Variants in DARS1 observed in about 807,000 individuals in gnomAD.
DARS1 encodes the protein aspartate--tRNA ligase, cytoplasmic.
DARS1 carries 51 observed loss-of-function variants against 68.8 expected under a neutral mutation model. The observed-to-expected ratio is 0.74, with a 90% CI of 0.59 to 0.94. The LOEUF (loss-of-function observed/expected upper bound fraction) is 0.94. Ranked by LOEUF, DARS1 falls within the 40% of genes least tolerant of loss-of-function variation. The pLI, the probability that DARS1 is intolerant of heterozygous loss-of-function variation, is 0.00. For synonymous variants in DARS1, 203 were observed against 190.4 expected (o/e 1.07, Z -0.55); for missense variants, 607 against 597.3 (o/e 1.02, Z -0.17).
chr2:135,959,727 T>C (rs925157277), intron 4 of DARS1, among the ~76,000 whole-genome samples: 3 of 152,196 alleles, frequency 2.0e-5, no homozygotes, highest in African/African-American at 2.4e-5. Context: ...CACTTGTCAG[T>C]AGAATGCCTC....
At chr2:135,909,846 TG>T (rs1680860378) in intron 15 of DARS1, among the ~76,000 whole-genome samples, 1 of 152,128 alleles carries the variant, frequency 6.6e-6, no homozygotes, top group Admixed American at 6.6e-5. Context: ...CTCCAAAATC[TG>T]AGACTTTTTG....
rs369329530 is a variant in DARS1, at chr2:135,945,185, T to G, written c.321-1705A>C. On this transcript the variant is annotated intron_variant, in intron 4 of 15. Transcript: ENST00000264161. ...CTCTGTCACCTAGGCTGGAGTGCAG[T>G]GGCTCCATCTTGACTCATTGCAACC... is the stretch of plus-strand genomic sequence containing the variant. Among the ~76,000 whole-genome samples the G allele has an allele frequency of 8.1e-4, 124 of 152,178 alleles. 8 individuals carry two copies. The Middle Eastern group carries it at 0.11, about 134-fold the overall frequency.
At chr2:135,927,585 C>T (rs1681246454) in intron 7 of DARS1, among the ~76,000 whole-genome samples, 1 of 152,022 alleles carries the variant, frequency 6.6e-6, no homozygotes, top group African/African-American at 2.4e-5. Context: ...AAAAATAATA[C>T]TTCCTCCTCA....
In DARS1 at chr2:135,907,228, A is replaced by G. The variant is rs1484603974; in HGVS notation, c.*88T>C. On this transcript the variant is annotated 3_prime_UTR_variant, in exon 16 of 16. Transcript: ENST00000264161. ...GTGCACTAGCAGGTTACTGAAAAGA[A>G]TAAGTGTGGCTTTCTTTTTTTTTTT... The G allele has an allele frequency of 3.0e-5, 24 of 810,416 alleles. No homozygotes were observed. Among genetic ancestry groups the G allele is most frequent in the African/African-American group, 2.2e-4 (11 of 49,898 alleles). 50.2% of individuals were successfully genotyped at this position (810,416 alleles called of 1,614,324 possible).
chr2:135,906,313 T>C lies in DARS1; in HGVS notation c.*1003A>G, dbSNP rs189105221. ...TGTAAAATTAACATTAGCATCAACA[T>C]TTGTAATAATCTAGAGGGAAAGTGT... On this transcript the variant is annotated 3_prime_UTR_variant, in exon 16 of 16. Transcript: ENST00000264161. Among the ~76,000 whole-genome samples, 630 of 147,494 alleles carry C rather than the reference T, an allele frequency of 4.3e-3. 1 individual carries two copies. The highest frequency in any genetic ancestry group is 0.02 in the Middle Eastern group (5 of 254).
intron 3 of DARS1, among the ~76,000 whole-genome samples, chr2:135,965,860 A>G (rs1331515771): frequency 2.6e-5 from 4 of 152,180 alleles, no homozygotes; most frequent in Non-Finnish European, 5.9e-5. Context: ...TAAAGGACTC[A>G]AACAAACAAA....
At chr2:135,911,239 T>C in intron 14 of DARS1, 29 bp from the exon 15 acceptor site, 3 of 1,153,428 alleles carry the variant, frequency 2.6e-6, no homozygotes, top group Non-Finnish European at 3.9e-6. Flanking sequence ...CAAAATATAA[T>C]TTATCATCTT....
In DARS1 at chr2:135,961,475, G is replaced by A. The variant is rs768053628; in HGVS notation, c.241C>T (p.Arg81Cys). Residue 81 changes from arginine (R) to cysteine (C), a missense_variant, in exon 4 of 16, where the codon CGT becomes TGT. Transcript: ENST00000264161. ...AKGKQCFLVL[R>C]QQQFNVQALV... is the part of the protein sequence containing the mutation. ...GCCTGGACATTAAACTGCTGCTGAC[G>A]TAGGACTAAGAAGCACTGTTTCCCT... The A allele has an allele frequency of 3.3e-6, 5 of 1,505,340 alleles. No homozygotes were observed. Among genetic ancestry groups the A allele is most frequent in the Non-Finnish European group, 4.6e-6 (5 of 1,080,500 alleles). The allele number at this position is 1,505,340 out of a possible 1,614,324, so 93.2% of individuals were successfully genotyped here. A position where few individuals can be genotyped will look rare whatever the true frequency, so the allele number is the denominator to read the frequency against.
chr2:135,975,375 G>A (rs957380439), intron 3 of DARS1, among the ~76,000 whole-genome samples: 3 of 151,550 alleles, frequency 2.0e-5, no homozygotes, highest in African/African-American at 4.8e-5. Context: ...AAACCTATAC[G>A]CACAGACATG....
intron 10 of DARS1, among the ~76,000 whole-genome samples, chr2:135,917,716 C>G (rs1681035861): frequency 6.6e-6 from 1 of 152,004 alleles, no homozygotes; most frequent in Non-Finnish European, 1.5e-5. Flanking sequence ...TAGGCTCAAG[C>G]AATCTGCCCG....
Position 135,985,438 on chromosome 2 carries a change from G to A in DARS1, c.31C>T (p.Gln11Ter). 7 of 1,614,014 alleles carry A rather than the reference G, an allele frequency of 4.3e-6. No homozygotes were observed. The highest frequency in any genetic ancestry group is 5.9e-6 in the Non-Finnish European group (7 of 1,179,980). The change falls in exon 1 of 16, where the codon CAG becomes TAG. Residue 11 changes from glutamine to a stop codon, truncating the protein, a stop_gained. Coordinates refer to ENST00000264161, the MANE Select transcript of DARS1 (RefSeq NM_001349.4). LOFTEE classifies it high-confidence loss of function. Reference protein sequence around the residue: MPSASASRKSQEKPREIMDAA... With the variant: MPSASASRKS ...TCCATGATCTCCCGCGGCTTCTCCT[G>A]ACTCTTGCGGCTGGCGCTGGCGCTG...
chr2:135,928,606 C>T (rs1681275610), intron 7 of DARS1, among the ~76,000 whole-genome samples: 1 of 147,640 alleles, frequency 6.8e-6, no homozygotes, highest in Non-Finnish European at 1.5e-5. Context: ...CCTCAGCCTC[C>T]CAAAGTGCTG....
intron 10 of DARS1, among the ~76,000 whole-genome samples, chr2:135,920,192 A>C (rs1681085897): frequency 2.0e-5 from 3 of 151,950 alleles, no homozygotes; most frequent in African/African-American, 7.3e-5. Context: ...ACAACAACAA[A>C]ATACAGTTGG....
chr2:135,933,057 ATAT>A (rs1487987662), intron 6 of DARS1, among the ~76,000 whole-genome samples: 1 of 152,164 alleles, frequency 6.6e-6, no homozygotes, highest in Non-Finnish European at 1.5e-5. Context: ...GAATGAACAG[ATAT>A]TAATGGTTCT....
chr2:135,939,385 T>C (rs1344745758), intron 5 of DARS1, among the ~76,000 whole-genome samples: 4 of 152,200 alleles, frequency 2.6e-5, no homozygotes, highest in Non-Finnish European at 4.4e-5. Context: ...ACATGGAAAC[T>C]GAACAACCTG....
intron 4 of DARS1, among the ~76,000 whole-genome samples, chr2:135,943,708 T>C (rs574540776): frequency 5.9e-5 from 9 of 152,206 alleles, no homozygotes; most frequent in Non-Finnish European, 1.2e-4. Flanking sequence ...TTACCACTTA[T>C]AAAATACTCT....
intron 2 of DARS1, among the ~76,000 whole-genome samples, chr2:135,980,215 TA>T (rs1471476146): frequency 2.6e-5 from 4 of 152,198 alleles, no homozygotes; most frequent in Non-Finnish European, 4.4e-5. Flanking sequence ...CTAGAGTTCC[TA>T]AACAGGAAAA....
intron 11 of DARS1, among the ~76,000 whole-genome samples, chr2:135,915,444 G>T (rs1406360592): frequency 6.6e-6 from 1 of 151,956 alleles, no homozygotes; most frequent in Non-Finnish European, 1.5e-5. Flanking sequence ...GTGCCACCAT[G>T]TTCAGCTAAA....
chr2:135,971,121 A>AGATT (rs1193379981), intron 3 of DARS1, among the ~76,000 whole-genome samples: 21 of 152,174 alleles, frequency 1.4e-4, no homozygotes, highest in African/African-American at 5.1e-4. Context: ...CTGGCACCAA[A>AGATT]ACCAAAGATA....
Sources: gnomAD v4.1 joint callset for allele counts (sites outside exome capture counted in the v4.1 genomes callset) on GRCh38, gnomAD v4.1.1 for gene constraint, MANE v1.5 for transcripts, NCBI Gene and HGNC (gene_info 2026-07-23, HGNC 2026-07-21) for gene names.